Variants in OSBPL5 observed in about 807,000 individuals in gnomAD.
OSBPL5 encodes oxysterol-binding protein-related protein 5.
A neutral mutation model predicts 111.2 loss-of-function variants in OSBPL5; 71 were observed. The ratio of observed to expected loss-of-function variants is 0.64; its 90% confidence interval spans 0.53 to 0.78. The LOEUF is 0.78. Among genes scored for constraint, OSBPL5 ranks in the 30% least tolerant of loss-of-function variants. The pLI is 0.00. For synonymous variants in OSBPL5, 549 were observed against 513.9 expected, an observed-to-expected ratio of 1.07 and a Z score of -0.93; for missense variants, 1,210 against 1,189.3, an observed-to-expected ratio of 1.02 and a Z score of -0.26.
At chr11:3,103,721 C>G (rs1378249893) in intron 10 of OSBPL5, among the ~76,000 whole-genome samples, 2 of 93,314 alleles carry the variant, frequency 2.1e-5, no homozygotes, top group South Asian at 3.7e-4. Context: ...CTTCCAGGCT[C>G]TGCTGCCCCT....
At position 3,107,345 on chromosome 11, in the gene OSBPL5, C is replaced by T. The variant is rs147670205; in HGVS notation, c.977G>A (p.Gly326Asp). Residue 326 changes from glycine to aspartate, a missense_variant, in exon 9 of 22, where the codon GGC (glycine) becomes GAC (aspartate). Transcript: ENST00000263650. The surrounding 1 kb of genome is among the most constrained non-coding windows in gnomAD (Gnocchi z 6.1). ...TQDHSRKTES[G>D]SDQSETPGAP... Reference sequence around the variant, plus strand: ...CCCAGGGGTCTCTGACTGGTCGCTGCCACTCTCCGTCTTCCGGCTATGGTC... The same window carrying T: ...CCCAGGGGTCTCTGACTGGTCGCTGTCACTCTCCGTCTTCCGGCTATGGTC... The T allele has an allele frequency of 6.2e-7, 1 of 1,614,042 alleles. No individual in the cohort carries two copies. Among genetic ancestry groups the T allele is most frequent in the East Asian group, 2.2e-5 (1 of 44,868 alleles).
chr11:3,154,776 G>A lies in OSBPL5; in HGVS notation c.-22+10440C>T, dbSNP rs566380196. Among the ~76,000 whole-genome samples, 1 of 152,142 alleles carries A rather than the reference G, an allele frequency of 6.6e-6. No individual in the cohort carries two copies. The highest frequency in any genetic ancestry group is 1.5e-5 in the Non-Finnish European group (1 of 68,036). Reference sequence around the variant, plus strand: ...GGACCTGAGAAAGCGGCTGTACTTGGAGATGGGGTCTTTAAAGAGCCCCCT... The same window carrying A: ...GGACCTGAGAAAGCGGCTGTACTTGAAGATGGGGTCTTTAAAGAGCCCCCT... On this transcript the variant is annotated intron_variant, in intron 1 of 21. Coordinates refer to ENST00000263650, the MANE Select transcript of OSBPL5 (RefSeq NM_020896.4). The surrounding 1 kb of genome is among the most constrained non-coding windows in gnomAD (Gnocchi z 4.9).
Position 3,109,086 on chromosome 11 carries a change from T to C in OSBPL5, c.692-1141A>G, listed in dbSNP as rs1857818883. 6.8e-6 allele frequency among the ~76,000 whole-genome samples: 1 copy of C among 147,198 alleles called. No individual in the cohort carries two copies. The highest frequency in any genetic ancestry group is 1.5e-5 in the Non-Finnish European group (1 of 67,256). ...CCGGGTCAATAAGTGTGTTTTTTGT[T>C]TTTGTTTTTTTGTTGTTTTGAGATG... On this transcript the variant is annotated intron_variant, in intron 7 of 21. Transcript: ENST00000263650. The surrounding 1 kb of genome is among the most constrained non-coding windows in gnomAD (Gnocchi z 7.4).
In OSBPL5 at chr11:3,107,759, C is replaced by G; in HGVS notation, c.866+12G>C. 1.2e-5 allele frequency: 20 copies of G among 1,610,150 alleles called. No individual in the cohort carries two copies. The highest frequency in any genetic ancestry group is 1.7e-5 in the Non-Finnish European group (20 of 1,179,744). ...GAATCACCACCAGCCCCTGTGCCCTCGCCCCACTCACGGGAACAGGTCTTG... is the reference window on the plus strand; with the variant it reads ...GAATCACCACCAGCCCCTGTGCCCTGGCCCCACTCACGGGAACAGGTCTTG... On this transcript the variant is annotated intron_variant, in intron 8 of 21. Coordinates refer to ENST00000263650, the MANE Select transcript of OSBPL5 (RefSeq NM_020896.4). The surrounding 1 kb of genome is among the most constrained non-coding windows in gnomAD (Gnocchi z 6.1).
rs1415954291 is a variant in OSBPL5 at position 3,121,063 on chromosome 11, T to A, written c.403-439A>T. ...TGTAACTGGCAGCTTTGTAGATTCT[T>A]TTTTTTTTTTTTTTTGAGACAGAGT... On this transcript the variant is annotated intron_variant, in intron 5 of 21. Transcript: ENST00000263650. The surrounding 1 kb of genome is among the most constrained non-coding windows in gnomAD (Gnocchi z 4.3). Among the ~76,000 whole-genome samples the A allele has an allele frequency of 1.4e-5, 2 of 146,138 alleles. No individual in the cohort carries two copies.
chr11:3,107,872 C>T lies in OSBPL5; in HGVS notation c.765G>A (p.Pro255=), dbSNP rs552185356. 21 of 1,608,188 alleles carry T rather than the reference C, an allele frequency of 1.3e-5. No homozygotes were observed. The highest frequency in any genetic ancestry group is 9.9e-5 in the South Asian group (9 of 91,076). Residue 255 remains proline (P), a synonymous_variant, in exon 8 of 22, where the codon CCG becomes CCA. Coordinates refer to ENST00000263650, the MANE Select transcript of OSBPL5 (RefSeq NM_020896.4). The surrounding 1 kb of genome is among the most constrained non-coding windows in gnomAD (Gnocchi z 6.1). ...SSLLRLGTCK[P]GRDGEPGTSP... The stretch of plus-strand genomic sequence containing the variant: ...AGGTCCCTGGCTCCCCGTCTCGGCC[C>T]GGCTTGCAGGTGCCCAGTCTCAGTA...
At position 3,130,595 on chromosome 11, in the gene OSBPL5, T is replaced by C. The variant is rs1343519091; in HGVS notation, c.-21-1426A>G. 1.3e-5 allele frequency among the ~76,000 whole-genome samples: 2 copies of C among 152,108 alleles called. No individual in the cohort carries two copies. Among genetic ancestry groups the C allele is most frequent in the African/African-American group, 2.4e-5 (1 of 41,434 alleles). On this transcript the variant is annotated intron_variant, in intron 1 of 21. Transcript: ENST00000263650. This position sits in a 1 kb window ranked among gnomAD's most constrained non-coding sequence, Gnocchi z 4.5. Reference sequence around the variant, plus strand: ...AGGCTGGGCCAGCCCCTCCCTCACCTGGCCCCTGGCTCGGCTCATGACCTT... The same window carrying C: ...AGGCTGGGCCAGCCCCTCCCTCACCCGGCCCCTGGCTCGGCTCATGACCTT...
At position 3,115,130 on chromosome 11, in the gene OSBPL5, A is replaced by G. The variant is rs906963328; in HGVS notation, c.691+4417T>C. Among the ~76,000 whole-genome samples, 5 of 152,052 alleles carry G rather than the reference A, an allele frequency of 3.3e-5. 1 individual carries two copies. The highest frequency in any genetic ancestry group is 3.3e-4 in the Admixed American group (5 of 15,276). On this transcript the variant is annotated intron_variant, in intron 7 of 21. Transcript: ENST00000263650. ...TGTGTGTGTGTGGCCTGATGCTAAC[A>G]ATGTTTTCTTAAAGAAAATGTTTTC...
At chr11:3,125,734 G>A (rs1340246359) in intron 3 of OSBPL5, among the ~76,000 whole-genome samples, 2 of 151,784 alleles carry the variant, frequency 1.3e-5, no homozygotes, top group Non-Finnish European at 2.9e-5. Flanking sequence ...GAACCCGGGA[G>A]GCGGAGCTTG....
rs1397029410 is a variant in OSBPL5 at position 3,146,231 on chromosome 11, G to A, written c.-21-17062C>T. 1.3e-5 allele frequency: 2 copies of A among 152,202 alleles called. No individual in the cohort carries two copies. Among genetic ancestry groups the A allele is most frequent in the African/African-American group, 2.4e-5 (1 of 41,440 alleles). 9.4% of individuals were successfully genotyped at this position (152,202 alleles called of 1,614,324 possible). On this transcript the variant is annotated intron_variant, in intron 1 of 21. Coordinates refer to ENST00000263650, the MANE Select transcript of OSBPL5 (RefSeq NM_020896.4). This position sits in a 1 kb window ranked among gnomAD's most constrained non-coding sequence, Gnocchi z 7.8. ...AGCGAGACAGACACACTGCCCTTAT[G>A]AGCTGCGCCCCCACCCCCAAACCCA... is the stretch of plus-strand genomic sequence containing the variant.
intron 16 of OSBPL5, 21 bp downstream of exon 16, chr11:3,093,725 C>A: frequency 6.2e-7 from 1 of 1,612,710 alleles, no homozygotes; most frequent in South Asian, 1.1e-5. Flanking sequence ...GCCGTGCCTG[C>A]CCTGAGGGAC....
At chr11:3,132,889 A>G (rs897238341) in intron 1 of OSBPL5, among the ~76,000 whole-genome samples, 17 of 152,178 alleles carry the variant, frequency 1.1e-4, no homozygotes, top group African/African-American at 4.1e-4. Context: ...GACACGCGGT[A>G]GGTGCTTCCC....
chr11:3,107,945 C>T lies in OSBPL5; in HGVS notation c.692G>A (p.Gly231Asp). 1 of 1,596,754 alleles carries T rather than the reference C, an allele frequency of 6.3e-7. No homozygotes were observed. Among genetic ancestry groups the T allele is most frequent in the Non-Finnish European group, 8.5e-7 (1 of 1,179,302 alleles). Reference protein sequence around the residue: ...LIFRAASESDGRCWLDALELA... With the variant: ...LIFRAASESDDRCWLDALELA... ...CTCCAGGGCGTCCAGCCAGCAGCGACCTGCGGGGCACACGGGATGAGCATG... is the reference window on the plus strand; with the variant it reads ...CTCCAGGGCGTCCAGCCAGCAGCGATCTGCGGGGCACACGGGATGAGCATG... Residue 231 changes from glycine (G) to aspartate (D), a missense_variant and splice_region_variant, in exon 8 of 22, where the codon GGT (glycine) becomes GAT (aspartate). Coordinates refer to ENST00000263650, the MANE Select transcript of OSBPL5 (RefSeq NM_020896.4). This position sits in a 1 kb window ranked among gnomAD's most constrained non-coding sequence, Gnocchi z 6.1.
intron 7 of OSBPL5, among the ~76,000 whole-genome samples, chr11:3,112,131 ATGTG>A (rs1163498868): frequency 8.1e-6 from 1 of 123,334 alleles, no homozygotes; most frequent in Non-Finnish European, 1.8e-5. Context: ...GTGTGCGCAT[ATGTG>A]TGTGTTTGTA....
Position 3,126,596 on chromosome 11 carries a change from C to T in OSBPL5, c.137-41G>A, listed in dbSNP as rs200021750. ...GGGAGTGAGGACCCAGGCATGGTGGCGTGGCCAGGCTTCTCAGGCCGCTGC... is the reference window on the plus strand; with the variant it reads ...GGGAGTGAGGACCCAGGCATGGTGGTGTGGCCAGGCTTCTCAGGCCGCTGC... On this transcript the variant is annotated intron_variant, in intron 2 of 21. Coordinates refer to ENST00000263650, the MANE Select transcript of OSBPL5 (RefSeq NM_020896.4). This position sits in a 1 kb window ranked among gnomAD's most constrained non-coding sequence, Gnocchi z 6.5. The T allele has an allele frequency of 1.8e-4, 274 of 1,551,046 alleles. No homozygotes were observed. Among genetic ancestry groups the T allele is most frequent in the Non-Finnish European group, 2.0e-4 (224 of 1,144,472 alleles).
intron 1 of OSBPL5, among the ~76,000 whole-genome samples, chr11:3,155,874 C>T (rs372557395): frequency 3.5e-4 from 53 of 152,370 alleles, no homozygotes; most frequent in African/African-American, 1.3e-3. Flanking sequence ...GTGCTGGAAC[C>T]GGCTGTGAGC....
Position 3,093,614 on chromosome 11 carries a change from A to C in OSBPL5, c.1859T>G (p.Phe620Cys). The C allele has an allele frequency of 6.2e-7, 1 of 1,613,018 alleles. No homozygotes were observed. The highest frequency in any genetic ancestry group is 8.5e-7 in the Non-Finnish European group (1 of 1,179,962). ...KEEGSGSSAL[F>C]WTPSGEVRRQ... ...GCGGACCTCCCCGCTCGGGGTCCAGAAAAGCGCACTGCTTCCGCTCCCTTC... is the reference window on the plus strand; with the variant it reads ...GCGGACCTCCCCGCTCGGGGTCCAGCAAAGCGCACTGCTTCCGCTCCCTTC... Residue 620 changes from phenylalanine (F) to cysteine (C), a missense_variant, in exon 17 of 22, where the codon TTC (phenylalanine) becomes TGC (cysteine). Physicochemically the swap from Phe to Cys is radical, Grantham distance 205. Transcript: ENST00000263650.
At position 3,104,349 on chromosome 11, in the gene OSBPL5, A is replaced by G. The variant is rs765910962; in HGVS notation, c.1088T>C (p.Val363Ala). 9 of 1,612,470 alleles carry G rather than the reference A, an allele frequency of 5.6e-6. No individual in the cohort carries two copies. In the South Asian group the frequency reaches 6.6e-5, roughly 12 times the overall value. Reference protein sequence around the residue: ...ELGEASQVETVSEENKSLMWT... With the variant: ...ELGEASQVETASEENKSLMWT... ...CATCAGACTCTTGTTCTCCTCTGAC[A>G]CTGTCTCCACCTGGGACGCCTCGCC... Residue 363 changes from valine (V) to alanine (A), a missense_variant, in exon 10 of 22, where the codon GTG (valine) becomes GCG (alanine). Transcript: ENST00000263650. The surrounding 1 kb of genome is among the most constrained non-coding windows in gnomAD (Gnocchi z 5.0).
rs1024127797 is a variant in OSBPL5 at position 3,150,668 on chromosome 11, C to T, written c.-22+14548G>A. Among the ~76,000 whole-genome samples, 6 of 152,336 alleles carry T rather than the reference C, an allele frequency of 3.9e-5. No homozygotes were observed. The East Asian group carries it at 9.6e-4, about 24-fold the overall frequency. On this transcript the variant is annotated intron_variant, in intron 1 of 21. Transcript: ENST00000263650. ...CTCTTCCCTTCCCCGGGGTCTCCCCCGTGGCCACACCCAACTTTCATTCCC... is the reference window on the plus strand; with the variant it reads ...CTCTTCCCTTCCCCGGGGTCTCCCCTGTGGCCACACCCAACTTTCATTCCC...
Sources: gnomAD v4.1 joint callset for allele counts (sites outside exome capture counted in the v4.1 genomes callset) on GRCh38, gnomAD v4.1.1 for gene constraint, Gnocchi (gnomAD v3.1) non-coding constraint, MANE v1.5 for transcripts, NCBI Gene and HGNC (gene_info 2026-07-23, HGNC 2026-07-21) for gene names.